Variants in ZP3 observed in about 807,000 individuals in gnomAD.
The protein encoded by ZP3 is zona pellucida glycoprotein 3, also known as zona pellucida sperm-binding protein 3.
A neutral mutation model predicts 35.6 loss-of-function variants in ZP3; 21 were observed. That is an observed-to-expected ratio of 0.59 (90% confidence interval 0.42 to 0.85). ZP3 has a LOEUF of 0.85. ZP3 is among the 40% of genes least tolerant of loss of function. The probability of loss-of-function intolerance (pLI) is 0.00; values close to 1 mark genes in which losing one functional copy is unlikely to be tolerated. For missense variants in ZP3, 437 were observed against 536.5 expected (o/e 0.81, Z 1.83); for synonymous variants, 207 against 214.5 (o/e 0.96, Z 0.31).
chr7:76,417,121 G>A (rs1022108515), intron 1 of ZP3, among the ~76,000 whole-genome samples: 2 of 151,522 alleles, frequency 1.3e-5, no homozygotes, highest in African/African-American at 2.4e-5. Context: ...GTAATGGTGC[G>A]ATCTCGGCTC....
chr7:76,431,815 C>T (rs781010252), intron 2 of ZP3, among the ~76,000 whole-genome samples: 61 of 150,732 alleles, frequency 4.0e-4, no homozygotes, highest in Non-Finnish European at 7.1e-4. Context: ...AGGAGAATGG[C>T]GTGAACCTGG....
chr7:76,416,965 T>C (rs1017595226), intron 1 of ZP3, among the ~76,000 whole-genome samples: 1 of 124,512 alleles, frequency 8.0e-6, no homozygotes, highest in African/African-American at 4.0e-5. Context: ...TATATATATA[T>C]ATATATATAA....
chr7:76,423,093 T>C (rs1563695669), upstream of ZP3, among the ~76,000 whole-genome samples: 1 of 125,070 alleles, frequency 8.0e-6, no homozygotes, highest in East Asian at 2.2e-4. Context: ...GAAAAGAAAT[T>C]GACAGGAGGC....
In ZP3 at chr7:76,439,137, A is replaced by AG. The variant is rs1289175855; in HGVS notation, c.832-1113_832-1112insG. Among the ~76,000 whole-genome samples, 7 of 137,366 alleles carry AG rather than the reference A, an allele frequency of 5.1e-5. No individual in the cohort carries two copies. The East Asian group carries it at 1.6e-3, about 31-fold the overall frequency. 90.1% of individuals were successfully genotyped at this position (137,366 alleles called of 152,430 possible). On this transcript the variant is annotated intron_variant, in intron 5 of 7. Coordinates refer to ENST00000394857, the MANE Select transcript of ZP3 (RefSeq NM_001110354.2). ...CAACAGCAAGACTCCACCTCAAAAA[A>AG]AAAAAAAAAAAAAACCTCTTAAGTC...
At chr7:76,408,989 C>A (rs1210776437) in intron 1 of ZP3, among the ~76,000 whole-genome samples, 1 of 152,190 alleles carries the variant, frequency 6.6e-6, no homozygotes, top group African/African-American at 2.4e-5. Flanking sequence ...TCGTGATCCA[C>A]TTACCCCTTA....
Position 76,433,615 on chromosome 7 carries a change from C to A in ZP3, c.681C>A (p.Ala227=), listed in dbSNP as rs772983332. 1.9e-5 allele frequency: 30 copies of A among 1,612,300 alleles called. No homozygotes were observed. The highest frequency in any genetic ancestry group is 1.6e-5 in the Non-Finnish European group (19 of 1,178,876). The change falls in exon 4 of 8, where the codon GCC becomes GCA. Residue 227 remains alanine, a synonymous_variant. Coordinates refer to ENST00000394857, the MANE Select transcript of ZP3 (RefSeq NM_001110354.2). The part of the protein sequence containing the change: ...CVATPTPDQN[A]SPYHTIVDFH... ...CCACACCGACACCAGACCAGAATGC[C>A]TCCCCTTATCACACCATCGTGGACT... is the stretch of plus-strand genomic sequence containing the variant.
At chr7:76,416,904 ATG>A (rs200227627) in intron 1 of ZP3, among the ~76,000 whole-genome samples, 4,359 of 136,194 alleles carry the variant, frequency 0.032, 137 homozygotes, top group African/African-American at 0.071. Flanking sequence ...ACACATACAT[ATG>A]TATACATACA....
At chr7:76,407,047 A>G (rs6465120) in intron 1 of ZP3, among the ~76,000 whole-genome samples, 83,828 of 151,628 alleles carry the variant, frequency 0.55, 24,398 homozygotes, top group African/African-American at 0.73. Flanking sequence ...TGCAACCTCC[A>G]CCTCCTGGGT....
chr7:76,415,364 C>CAAAAAAAAAAAA lies in ZP3; in HGVS notation c.-66-9684_-66-9673dup, dbSNP rs528001072. Among the ~76,000 whole-genome samples, 27 of 63,504 alleles carry CAAAAAAAAAAAA rather than the reference C, an allele frequency of 4.3e-4. 3 individuals carry two copies. Among genetic ancestry groups the CAAAAAAAAAAAA allele is most frequent in the African/African-American group, 1.9e-3 (23 of 12,384 alleles). 41.7% of individuals were successfully genotyped at this position (63,504 alleles called of 152,430 possible). A position where few individuals can be genotyped will look rare whatever the true frequency, so the allele number is the denominator to read the frequency against. ...CTGGCGATAGAGTGAGACTCCGTCT[C>CAAAAAAAAAAAA]AAAAAAAAAAAAAAAGGTCTGGAAT... On this transcript the variant is annotated intron_variant, in intron 1 of 8. Transcript: ENST00000336517.
chr7:76,436,471 G>C (rs1205903227), intron 5 of ZP3, among the ~76,000 whole-genome samples: 1 of 152,272 alleles, frequency 6.6e-6, no homozygotes, highest in African/African-American at 2.4e-5. Context: ...CTCTGAAGCA[G>C]AGGCTCATAC....
chr7:76,416,525 T>C (rs1464016839), intron 1 of ZP3, among the ~76,000 whole-genome samples: 1 of 150,346 alleles, frequency 6.7e-6, no homozygotes, highest in Admixed American at 6.7e-5. Context: ...TTTTATATAT[T>C]AGTCAGGCAG....
At chr7:76,423,067 G>GAAAGAAAGAAACAAAGAAAC (rs1554624529), upstream of ZP3, among the ~76,000 whole-genome samples, 1 of 143,390 alleles carries the variant, frequency 7.0e-6, no homozygotes, top group African/African-American at 2.8e-5. Context: ...AAGAAAGAAA[G>GAAAGAAAGAAACAAAGAAAC]AAAGAAAGAA....
intron 5 of ZP3, among the ~76,000 whole-genome samples, chr7:76,435,490 G>A (rs1805966023): frequency 1.3e-5 from 2 of 152,258 alleles, no homozygotes; most frequent in African/African-American, 4.8e-5. Context: ...TGAGATGAGA[G>A]GTGAGGCGGT....
intron 1 of ZP3, among the ~76,000 whole-genome samples, chr7:76,413,555 C>T (rs948607557): frequency 2.2e-4 from 33 of 152,144 alleles, no homozygotes; most frequent in African/African-American, 8.0e-4. Context: ...GCTTGAGCCA[C>T]CATGCCCAGC....
At chr7:76,401,842 G>C (rs1804839716) in intron 1 of ZP3, among the ~76,000 whole-genome samples, 1 of 152,110 alleles carries the variant, frequency 6.6e-6, no homozygotes, top group Non-Finnish European at 1.5e-5. Flanking sequence ...CTCTTTCAGG[G>C]CCTTCTCTGG....
chr7:76,405,290 TA>T (rs1748776024), intron 1 of ZP3, among the ~76,000 whole-genome samples: 1 of 41,690 alleles, frequency 2.4e-5, no homozygotes, highest in African/African-American at 1.3e-4. Flanking sequence ...TATATATATA[TA>T]TATATATATA....
At chr7:76,429,810 G>A (rs570543879) in intron 2 of ZP3, among the ~76,000 whole-genome samples, 177 bp downstream of exon 2, 3 of 152,250 alleles carry the variant, frequency 2.0e-5, no homozygotes, top group East Asian at 1.9e-4. Context: ...AGTCTAGTTC[G>A]AGCCCCAGAA....
intron 1 of ZP3, among the ~76,000 whole-genome samples, chr7:76,400,071 T>C (rs541693375): frequency 6.6e-6 from 1 of 152,300 alleles, no homozygotes; most frequent in Admixed American, 6.5e-5. Flanking sequence ...GCAGTAGTGC[T>C]GGTTTTCTTT....
At chr7:76,436,059 T>TCC in intron 5 of ZP3, among the ~76,000 whole-genome samples, 1 of 77,784 alleles carries the variant, frequency 1.3e-5, no homozygotes, top group Admixed American at 1.6e-4. Context: ...TTTTTTTTTT[T>TCC]TTTTTTTTTT....
Sources: gnomAD v4.1 joint callset for allele counts (sites outside exome capture counted in the v4.1 genomes callset) on GRCh38, gnomAD v4.1.1 for gene constraint, MANE v1.5 for transcripts, NCBI Gene and HGNC (gene_info 2026-07-23, HGNC 2026-07-21) for gene names.